TGFB2: variants seen among roughly 807,000 people sequenced by gnomAD.
TGFB2 encodes the protein transforming growth factor beta-2 proprotein.
A neutral mutation model predicts 42.7 loss-of-function variants in TGFB2; 13 were observed. The ratio of observed to expected loss-of-function variants is 0.30; its 90% CI spans 0.20 to 0.48. The LOEUF (loss-of-function observed/expected upper bound fraction) is 0.48. TGFB2 is among the 20% of genes least tolerant of loss of function. The pLI, the probability that TGFB2 is intolerant of heterozygous loss-of-function variation, is 0.99. For missense variants in TGFB2, 390 were observed against 517.5 expected (o/e 0.75, Z 2.39); for synonymous variants, 193 against 193.6 (o/e 1.00, Z 0.03).
intron 1 of TGFB2, among the ~76,000 whole-genome samples, chr1:218,400,237 G>A (rs1380726296): frequency 6.6e-6 from 1 of 151,850 alleles, no homozygotes; most frequent in Non-Finnish European, 1.5e-5. Flanking sequence ...AAGAAAAGGA[G>A]TACTATTGAA....
intron 1 of TGFB2, among the ~76,000 whole-genome samples, chr1:218,369,641 C>T (rs538526155): frequency 1.0e-3 from 152 of 152,254 alleles, no homozygotes; most frequent in African/African-American, 3.0e-3. Context: ...TACTGGAGTT[C>T]GTACTCGCGG....
intron 2 of TGFB2, among the ~76,000 whole-genome samples, chr1:218,407,195 T>G (rs10449302): frequency 9.9e-5 from 15 of 152,280 alleles, no homozygotes; most frequent in African/African-American, 3.6e-4. Flanking sequence ...CTTCCAGGGC[T>G]CAAGCGATCC....
chr1:218,349,614 T>C (rs1390432872), intron 1 of TGFB2, among the ~76,000 whole-genome samples: 4 of 152,246 alleles, frequency 2.6e-5, no homozygotes, highest in Admixed American at 2.6e-4. Flanking sequence ...AGCTCAAGTA[T>C]TACAAATATG....
chr1:218,405,976 G>T (rs958373060), intron 2 of TGFB2, among the ~76,000 whole-genome samples: 2 of 152,044 alleles, frequency 1.3e-5, no homozygotes, highest in Non-Finnish European at 2.9e-5. Context: ...ATGTAGGTCC[G>T]ATTTCTTCCT....
At chr1:218,439,165 C>T (rs10482832) in intron 6 of TGFB2, among the ~76,000 whole-genome samples, 1,943 of 150,760 alleles carry the variant, frequency 0.013, 19 homozygotes, top group Non-Finnish European at 0.019. Flanking sequence ...AGATGATACC[C>T]AAAACCAAAC....
intron 1 of TGFB2, among the ~76,000 whole-genome samples, chr1:218,362,818 A>T (rs1332348881): frequency 6.6e-6 from 1 of 152,244 alleles, no homozygotes; most frequent in Non-Finnish European, 1.5e-5. Flanking sequence ...ACTGTAGGTA[A>T]GTAGCCCCAA....
rs571304107 is a variant in TGFB2 at position 218,429,781 on chromosome 1, C to A, written c.511-4301C>A. Among the ~76,000 whole-genome samples the A allele has an allele frequency of 9.2e-5, 14 of 152,314 alleles. No individual in the cohort carries two copies. In the South Asian group the frequency reaches 2.5e-3, roughly 27 times the overall value. On this transcript the variant is annotated intron_variant, in intron 2 of 6. Transcript: ENST00000366930. ...ACAGCTCTCTTTACTTTTGGTCCTG[C>A]ATTTCATCAGTTTCTAGACCATTTA...
chr1:218,435,971 T>C lies in TGFB2; in HGVS notation c.756T>C (p.Gly252=). 2 of 1,602,552 alleles carry C rather than the reference T, an allele frequency of 1.2e-6. No homozygotes were observed. The highest frequency in any genetic ancestry group is 1.7e-6 in the Non-Finnish European group (2 of 1,176,362). The change falls in exon 5 of 7, where the codon GGT becomes GGC. Residue 252 remains glycine, a splice_region_variant and synonymous_variant. Coordinates refer to ENST00000366930, the MANE Select transcript of TGFB2 (RefSeq NM_003238.6). ...KSEELEARFA[G]IDGTSTYTSG... ...ATTACCCAAATGCATTTTTTCAAGG[T>C]ATTGATGGCACCTCCACATATACCA...
intron 1 of TGFB2, among the ~76,000 whole-genome samples, chr1:218,377,141 C>T (rs1048897725): frequency 2.0e-5 from 3 of 152,206 alleles, no homozygotes; most frequent in Admixed American, 2.0e-4. Context: ...TCAAGGGATC[C>T]TCCTAAAGTG....
At chr1:218,398,043 T>C in intron 1 of TGFB2, among the ~76,000 whole-genome samples, 1 of 152,256 alleles carries the variant, frequency 6.6e-6, no homozygotes, top group African/African-American at 2.4e-5. Flanking sequence ...AGAAAGCTGA[T>C]ATTAAACACT....
chr1:218,429,246 G>A (rs956857330), intron 2 of TGFB2, among the ~76,000 whole-genome samples: 3 of 152,258 alleles, frequency 2.0e-5, no homozygotes, highest in African/African-American at 7.2e-5. Context: ...CTCCCAAAGA[G>A]CTGGGATTAC....
chr1:218,379,973 A>T (rs541870094), intron 1 of TGFB2, among the ~76,000 whole-genome samples: 3 of 152,320 alleles, frequency 2.0e-5, no homozygotes, highest in Admixed American at 2.0e-4. Flanking sequence ...GCGGTGCTTC[A>T]TATACTCCAG....
chr1:218,373,553 C>T (rs1179972150), intron 1 of TGFB2, among the ~76,000 whole-genome samples: 1 of 151,748 alleles, frequency 6.6e-6, no homozygotes, highest in African/African-American at 2.4e-5. Context: ...GGCTAATCTC[C>T]ATATTAGCAC....
At chr1:218,366,489 T>C (rs1367260015) in intron 1 of TGFB2, among the ~76,000 whole-genome samples, 2 of 152,138 alleles carry the variant, frequency 1.3e-5, no homozygotes, top group Non-Finnish European at 2.9e-5. Context: ...AAAAAATTTT[T>C]TTTTAGAGAT....
At chr1:218,436,347 A>G (rs1365895929) in intron 5 of TGFB2, among the ~76,000 whole-genome samples, 200 bp downstream of exon 5, 16 of 152,180 alleles carry the variant, frequency 1.1e-4, no homozygotes. Flanking sequence ...CCAAGTGTGA[A>G]GGGAGAAAAC....
At chr1:218,385,026 G>A (rs1231190122) in intron 1 of TGFB2, among the ~76,000 whole-genome samples, 4 of 152,146 alleles carry the variant, frequency 2.6e-5, no homozygotes. Flanking sequence ...AAACCAGAGT[G>A]AACCCTTCCC....
rs543069626 is a variant in TGFB2 at position 218,356,224 on chromosome 1, A to T, written c.346+9177A>T. On this transcript the variant is annotated intron_variant, in intron 1 of 6. Transcript: ENST00000366930. ...AAAGGGTATATAAATTTTTAGGGGA[A>T]TTTTTTTTTTTTCGAGACAGTCTCA... Among the ~76,000 whole-genome samples, 37 of 146,524 alleles carry T rather than the reference A, an allele frequency of 2.5e-4. No individual in the cohort carries two copies. The South Asian group carries it at 7.5e-3, about 30-fold the overall frequency.
At chr1:218,426,742 T>C (rs531699479) in intron 2 of TGFB2, among the ~76,000 whole-genome samples, 139 of 152,200 alleles carry the variant, frequency 9.1e-4, no homozygotes, top group African/African-American at 3.2e-3. Flanking sequence ...TAGAAAAACA[T>C]AGGAGAGAGA....
At chr1:218,405,100 CA>C in intron 1 of TGFB2, 68 bp from the exon 2 acceptor site, 3 of 1,480,148 alleles carry the variant, frequency 2.0e-6, no homozygotes, top group Non-Finnish European at 2.7e-6. Flanking sequence ...GGGATTATCT[CA>C]CGCTACAGTC....
Sources: gnomAD v4.1 joint callset for allele counts (sites outside exome capture counted in the v4.1 genomes callset) on GRCh38, gnomAD v4.1.1 for gene constraint, MANE v1.5 for transcripts, NCBI Gene and HGNC (gene_info 2026-07-23, HGNC 2026-07-21) for gene names.